IMMT: variants seen among roughly 807,000 people sequenced by gnomAD.
The protein encoded by IMMT is MICOS complex subunit MIC60.
Under a neutral mutation model 92.7 loss-of-function variants are expected in IMMT, and 40 were observed. That is an observed-to-expected ratio of 0.43 (90% CI 0.34 to 0.56). The LOEUF is 0.56. Ranked by LOEUF, IMMT falls within the 20% of genes least tolerant of loss-of-function variation. The probability of loss-of-function intolerance (pLI) is 0.03; values close to 1 mark genes in which losing one functional copy is unlikely to be tolerated. For missense variants in IMMT, 831 were observed against 912.1 expected (o/e 0.91, Z 1.14); for synonymous variants, 322 against 336.1 (o/e 0.96, Z 0.46).
At position 86,182,612 on chromosome 2, in the gene IMMT, G is replaced by A. The variant is rs370066035; in HGVS notation, c.46-1240C>T. On this transcript the variant is annotated intron_variant, in intron 1 of 14. Coordinates refer to ENST00000410111, the MANE Select transcript of IMMT (RefSeq NM_006839.3). ...TGGGAGGCTGGCGAGGGTGAGCGGC[G>A]CAGGCGGGGATTGCTTGAGCCCAGG... is the stretch of plus-strand genomic sequence containing the variant. 7.6e-4 allele frequency among the ~76,000 whole-genome samples: 116 copies of A among 152,142 alleles called. 1 individual carries two copies. Among genetic ancestry groups the A allele is most frequent in the Non-Finnish European group, 2.5e-4 (17 of 68,020 alleles).
At chr2:86,181,738 G>C (rs1672450645) in intron 1 of IMMT, among the ~76,000 whole-genome samples, 1 of 151,896 alleles carries the variant, frequency 6.6e-6, no homozygotes. Context: ...GCTTAGTTTA[G>C]ACATCTGAAA....
chr2:86,166,005 C>A (rs1363480063), intron 7 of IMMT, among the ~76,000 whole-genome samples: 1 of 152,182 alleles, frequency 6.6e-6, no homozygotes, highest in Non-Finnish European at 1.5e-5. Flanking sequence ...TTCTAAAAAA[C>A]TTAAAGGCTT....
At chr2:86,164,288 C>A (rs1676511284) in intron 7 of IMMT, among the ~76,000 whole-genome samples, 1 of 151,326 alleles carries the variant, frequency 6.6e-6, no homozygotes, top group East Asian at 2.0e-4. Context: ...AACTCCTGAC[C>A]TCAAATGATC....
At chr2:86,158,941 A>C (rs934009735) in intron 9 of IMMT, among the ~76,000 whole-genome samples, 1 of 152,046 alleles carries the variant, frequency 6.6e-6, no homozygotes, top group Non-Finnish European at 1.5e-5. Context: ...CCCTCCCTCC[A>C]TACATATCAT....
At chr2:86,147,906 T>C (rs1229806472) in intron 12 of IMMT, 73 bp from the exon 13 acceptor site, 1 of 1,474,744 alleles carries the variant, frequency 6.8e-7, no homozygotes, top group East Asian at 2.3e-5. Flanking sequence ...GAAAGACCAC[T>C]ATCAACCATG....
intron 1 of IMMT, among the ~76,000 whole-genome samples, chr2:86,185,546 A>G (rs1672716763): frequency 6.6e-6 from 1 of 152,198 alleles, no homozygotes; most frequent in Non-Finnish European, 1.5e-5. Flanking sequence ...TATTGAATCA[A>G]TAAGGTTACT....
intron 1 of IMMT, among the ~76,000 whole-genome samples, chr2:86,194,179 G>A (rs1435691091): frequency 1.3e-5 from 2 of 152,232 alleles, no homozygotes; most frequent in Admixed American, 6.5e-5. Flanking sequence ...CAAACTGCAT[G>A]AGCCTGGAAG....
At chr2:86,161,320 C>T (rs1055992442) in intron 8 of IMMT, among the ~76,000 whole-genome samples, 2 of 151,778 alleles carry the variant, frequency 1.3e-5, no homozygotes, top group Admixed American at 1.3e-4. Flanking sequence ...TGCCACCACG[C>T]CTGGCTAACA....
chr2:86,153,444 C>A, intron 11 of IMMT, 116 bp downstream of exon 11: 1 of 534,946 alleles, frequency 1.9e-6, no homozygotes, highest in South Asian at 3.2e-5. Context: ...TGACATAATT[C>A]TACTTTATAT....
intron 3 of IMMT, among the ~76,000 whole-genome samples, chr2:86,175,473 C>G: frequency 6.6e-6 from 1 of 151,806 alleles, no homozygotes. Context: ...TTGGTACTAT[C>G]TTTAATGACA....
At chr2:86,149,115 T>C (rs1285196864) in intron 12 of IMMT, among the ~76,000 whole-genome samples, 1 of 152,188 alleles carries the variant, frequency 6.6e-6, no homozygotes, top group Non-Finnish European at 1.5e-5. Flanking sequence ...CCACCTTACA[T>C]TTAAAATAAA....
intron 3 of IMMT, among the ~76,000 whole-genome samples, chr2:86,176,442 AGCAACAG>A (rs1441628007): frequency 6.6e-6 from 1 of 152,158 alleles, no homozygotes; most frequent in Non-Finnish European, 1.5e-5. Flanking sequence ...GCGCATGGAG[AGCAACAG>A]GCCTAGTTCA....
intron 14 of IMMT, among the ~76,000 whole-genome samples, chr2:86,145,682 G>A (rs914351805): frequency 2.6e-5 from 4 of 151,740 alleles, no homozygotes; most frequent in African/African-American, 9.7e-5. Context: ...TTTCAATGTG[G>A]CACATGGAGG....
At chr2:86,146,221 C>A (rs1449876239) in intron 13 of IMMT, 24 bp from the exon 14 acceptor site, 1 of 1,587,296 alleles carries the variant, frequency 6.3e-7, no homozygotes, top group South Asian at 1.1e-5. Flanking sequence ...GAAATAGTTC[C>A]AGAAAAAAGT....
rs1355507399 is a variant in IMMT at position 86,146,824 on chromosome 2, A to C, written c.1534-627T>G. Reference sequence around the variant, plus strand: ...CATCCAGGCTGGAGTGCAGTGGCACAACCTCAGCTCACTGCAACCTCCACC... The same window carrying C: ...CATCCAGGCTGGAGTGCAGTGGCACCACCTCAGCTCACTGCAACCTCCACC... On this transcript the variant is annotated intron_variant, in intron 13 of 14. Transcript: ENST00000410111. Among the ~76,000 whole-genome samples the C allele has an allele frequency of 2.6e-5, 4 of 152,052 alleles. No individual in the cohort carries two copies. The East Asian group carries it at 7.8e-4, about 30-fold the overall frequency.
At chr2:86,157,105 A>G (rs1450853309) in intron 10 of IMMT, among the ~76,000 whole-genome samples, 1 of 152,196 alleles carries the variant, frequency 6.6e-6, no homozygotes, top group Non-Finnish European at 1.5e-5. Context: ...ATTGTCCACA[A>G]TGCCTTCTTT....
intron 5 of IMMT, 54 bp downstream of exon 5, chr2:86,171,154 T>C: frequency 6.9e-7 from 1 of 1,452,342 alleles, no homozygotes; most frequent in Non-Finnish European, 9.4e-7. Flanking sequence ...AGGCATTAAA[T>C]AGTTCTGATG....
chr2:86,146,589 T>A (rs1675032842), intron 13 of IMMT, among the ~76,000 whole-genome samples: 1 of 152,156 alleles, frequency 6.6e-6, no homozygotes, highest in Admixed American at 6.5e-5. Context: ...GGTCTCGATC[T>A]CTTAACCTCG....
At chr2:86,153,426 T>A (rs1675626305) in intron 11 of IMMT, 134 bp downstream of exon 11, 2 of 504,414 alleles carry the variant, frequency 4.0e-6, no homozygotes, top group African/African-American at 4.1e-5. Flanking sequence ...CAATTCAGAT[T>A]TATCATGTGA....
Sources: gnomAD v4.1 joint callset for allele counts (sites outside exome capture counted in the v4.1 genomes callset) on GRCh38, gnomAD v4.1.1 for gene constraint, MANE v1.5 for transcripts, NCBI Gene and HGNC (gene_info 2026-07-23, HGNC 2026-07-21) for gene names.